The following FTO variants were observed in gnomAD, a reference collection of about 807,000 sequenced individuals.
The protein encoded by FTO is FTO alpha-ketoglutarate dependent dioxygenase, also known as alpha-ketoglutarate-dependent dioxygenase FTO.
In FTO, 47 loss-of-function variants were observed where a neutral mutation model predicts 63.9. That is an observed-to-expected ratio of 0.74 (90% CI 0.58 to 0.94). The LOEUF (loss-of-function observed/expected upper bound fraction) is 0.94. Ranked by LOEUF, FTO falls within the 40% of genes least tolerant of loss-of-function variation. The pLI is 0.00. For synonymous variants in FTO, 207 were observed against 224.4 expected (o/e 0.92, Z 0.69); for missense variants, 562 against 618.1 (o/e 0.91, Z 0.96).
In FTO at chr16:54,117,770, A is replaced by C. The variant is rs2086982952; in HGVS notation, c.*5855A>C. On this transcript the variant is annotated 3_prime_UTR_variant, in exon 9 of 9. Coordinates refer to ENST00000471389, the MANE Select transcript of FTO (RefSeq NM_001080432.3). ...ATTGCAATTTTGGATTTGCTTAAAA[A>C]AATTCTTGCCATCACCTTCTAATGG... is the stretch of plus-strand genomic sequence containing the variant. The C allele has an allele frequency of 6.6e-6, 1 of 152,228 alleles. No homozygotes were observed. The highest frequency in any genetic ancestry group is 1.9e-4 in the East Asian group (1 of 5,200). 9.4% of individuals were successfully genotyped at this position (152,228 alleles called of 1,614,324 possible).
At chr16:53,947,285 G>A (rs979632384) in intron 8 of FTO, among the ~76,000 whole-genome samples, 4 of 152,208 alleles carry the variant, frequency 2.6e-5, no homozygotes, top group African/African-American at 4.8e-5. Context: ...GAGGCAGGCA[G>A]CGCAGGTGGA....
intron 8 of FTO, among the ~76,000 whole-genome samples, chr16:54,027,846 C>G (rs12443572): frequency 0.21 from 31,993 of 152,078 alleles, 4,607 homozygotes; most frequent in African/African-American, 0.4. Flanking sequence ...CACTGTATTT[C>G]TCTCCCTAAG....
chr16:54,050,612 A>C (rs892363699), intron 8 of FTO, among the ~76,000 whole-genome samples: 1 of 151,618 alleles, frequency 6.6e-6, no homozygotes, highest in Admixed American at 6.6e-5. Flanking sequence ...ACCCCCAACC[A>C]CCTTTCTTGT....
In FTO at chr16:53,899,845, A is replaced by G. The variant is rs532372246; in HGVS notation, c.1239+10894A>G. On this transcript the variant is annotated intron_variant, in intron 7 of 8. Coordinates refer to ENST00000471389, the MANE Select transcript of FTO (RefSeq NM_001080432.3). ...CACACAGGAAGTCTTTTGCTAGAAC[A>G]AAGGAAAAAGTTTGGTTGTAATTCT... 2.6e-5 allele frequency among the ~76,000 whole-genome samples: 4 copies of G among 152,348 alleles called. No homozygotes were observed. In the South Asian group the frequency reaches 8.3e-4, roughly 32 times the overall value.
At chr16:53,750,534 C>T (rs1026889482) in intron 1 of FTO, among the ~76,000 whole-genome samples, 4 of 152,018 alleles carry the variant, frequency 2.6e-5, no homozygotes, top group African/African-American at 9.7e-5. Flanking sequence ...CCACTGTGCT[C>T]GGCCAATAAT....
intron 8 of FTO, among the ~76,000 whole-genome samples, chr16:54,109,897 A>G (rs1851085915): frequency 6.6e-6 from 1 of 152,208 alleles, no homozygotes; most frequent in Admixed American, 6.5e-5. Flanking sequence ...GCCAGCCAGG[A>G]TAATGTGTGC....
intron 3 of FTO, among the ~76,000 whole-genome samples, chr16:53,840,784 CTA>C (rs2079451713): frequency 6.6e-6 from 1 of 152,112 alleles, no homozygotes. Flanking sequence ...GGGACTGCGA[CTA>C]GCAAAGGTCA....
intron 4 of FTO, among the ~76,000 whole-genome samples, chr16:53,870,879 T>G (rs1319936534): frequency 3.3e-5 from 5 of 152,246 alleles, no homozygotes; most frequent in African/African-American, 4.8e-5. Context: ...ATAAATTGTT[T>G]CATTTTCTTT....
At chr16:53,790,108 T>C (rs2151684511) in intron 1 of FTO, among the ~76,000 whole-genome samples, 1 of 150,862 alleles carries the variant, frequency 6.6e-6, no homozygotes, top group East Asian at 1.9e-4. Context: ...TTTTTAATTG[T>C]AAAATACACA....
intron 3 of FTO, among the ~76,000 whole-genome samples, chr16:53,841,273 T>C (rs570314515): frequency 3.3e-5 from 5 of 151,928 alleles, no homozygotes; most frequent in African/African-American, 4.8e-5. Context: ...TAAAGGTATT[T>C]ATCATTCTCA....
chr16:54,101,266 C>T (rs1261503071), intron 8 of FTO, among the ~76,000 whole-genome samples: 2 of 152,080 alleles, frequency 1.3e-5, no homozygotes, highest in Non-Finnish European at 2.9e-5. Context: ...ATCTTTTCTG[C>T]TCTCCCCCTC....
chr16:53,704,036 G>C (rs1567908967), upstream of FTO: 3 of 850,994 alleles, frequency 3.5e-6, no homozygotes, highest in African/African-American at 1.7e-5. Flanking sequence ...GTGTCGCCGC[G>C]GTGCATCCTG....
chr16:53,821,601 A>G (rs962159268), intron 2 of FTO, among the ~76,000 whole-genome samples: 1 of 152,066 alleles, frequency 6.6e-6, no homozygotes, highest in African/African-American at 2.4e-5. Flanking sequence ...ATGCCACATG[A>G]CTCTTCTCTT....
rs57334871 is a variant in FTO at position 53,979,535 on chromosome 16, CTGTGTGTGTGTGTGTGTGTGTGTG to C, written c.1364+45435_1364+45458del. The C allele has an allele frequency of 4.3e-5, 16 of 373,350 alleles. No homozygotes were observed. The Admixed American group carries it at 5.1e-4, about 12-fold the overall frequency. The allele number at this position is 373,350 out of a possible 1,614,324, so 23.1% of individuals were successfully genotyped here. A position where few individuals can be genotyped will look rare whatever the true frequency, so the allele number is the denominator to read the frequency against. ...GATTGGATCTTTTTTATGTTTATGG[CTGTGTGTGTGTGTGTGTGTGTGTG>C]TGTGTGTGCGCGCGTGTGTGAATTT... On this transcript the variant is annotated intron_variant, in intron 8 of 8. Coordinates refer to ENST00000471389, the MANE Select transcript of FTO (RefSeq NM_001080432.3).
At chr16:53,765,091 A>G (rs930194252) in intron 1 of FTO, among the ~76,000 whole-genome samples, 3 of 152,142 alleles carry the variant, frequency 2.0e-5, no homozygotes, top group African/African-American at 7.2e-5. Context: ...TTTTAGCATG[A>G]TGGGTACCAA....
intron 8 of FTO, among the ~76,000 whole-genome samples, chr16:54,019,707 T>A (rs762846948): frequency 6.6e-5 from 10 of 152,168 alleles, no homozygotes; most frequent in Non-Finnish European, 1.3e-4. Context: ...AATCTTCTGT[T>A]TGGTGGAGAT....
chr16:54,064,253 C>A (rs574510731), intron 8 of FTO, among the ~76,000 whole-genome samples: 1 of 152,198 alleles, frequency 6.6e-6, no homozygotes, highest in East Asian at 1.9e-4. Flanking sequence ...TCTATGTAGG[C>A]AAGCCCTTGC....
chr16:54,038,381 G>T lies in FTO; in HGVS notation c.1365-73381G>T, dbSNP rs190907023. Among the ~76,000 whole-genome samples the T allele has an allele frequency of 1.7e-3, 262 of 152,282 alleles. 1 individual carries two copies. The highest frequency in any genetic ancestry group is 3.9e-3 in the Admixed American group (59 of 15,300). On this transcript the variant is annotated intron_variant, in intron 8 of 8. Coordinates refer to ENST00000471389, the MANE Select transcript of FTO (RefSeq NM_001080432.3). ...GAGGACTCTCAGTGAAGTTCCTTCT[G>T]CTGCCATAGCAGCTGCATTGTGATT...
chr16:53,857,274 C>G (rs777218725), intron 4 of FTO, among the ~76,000 whole-genome samples: 2 of 152,072 alleles, frequency 1.3e-5, no homozygotes, highest in African/African-American at 2.4e-5. Flanking sequence ...GTCTGTTGTT[C>G]CTTTCTTTGT....
Sources: gnomAD v4.1 joint callset for allele counts (sites outside exome capture counted in the v4.1 genomes callset) on GRCh38, gnomAD v4.1.1 for gene constraint, MANE v1.5 for transcripts, NCBI Gene and HGNC (gene_info 2026-07-23, HGNC 2026-07-21) for gene names.